DOCK11: variants seen among roughly 807,000 people sequenced by gnomAD.
DOCK11 encodes dedicator of cytokinesis protein 11.
In DOCK11, 70 loss-of-function variants were observed where a neutral mutation model predicts 169.1. The observed-to-expected ratio is 0.41, with a 90% CI of 0.34 to 0.51. The LOEUF (loss-of-function observed/expected upper bound fraction) is 0.51. Among genes scored for constraint, DOCK11 ranks in the 20% least tolerant of loss-of-function variants. DOCK11 has a pLI of 0.10. For synonymous variants in DOCK11, 529 were observed against 541.3 expected, an observed-to-expected ratio of 0.98 and a Z score of 0.32; for missense variants, 1,166 against 1,538.8, an observed-to-expected ratio of 0.76 and a Z score of 4.05.
At chrX:118,682,492 C>T (rs751524573) in intron 51 of DOCK11, among the ~76,000 whole-genome samples, 1 of 111,565 alleles carries the variant, frequency 9.0e-6, no homozygotes, top group East Asian at 2.8e-4. Context: ...ATGCCTGGTA[C>T]ATGCAAAAGA....
rs370099268 is a variant in DOCK11, at chrX:118,620,335, G to A, written c.3471+1607G>A. Among the ~76,000 whole-genome samples, 4 of 110,647 alleles carry A rather than the reference G, an allele frequency of 3.6e-5. No individual in the cohort carries two copies. The East Asian group carries it at 8.5e-4, about 24-fold the overall frequency. On this transcript the variant is annotated intron_variant, in intron 31 of 52. Transcript: ENST00000276202. ...TAAAATTATGATGTCATTTATCATC[G>A]GTCATTTTGGAAGGCTGACTTGGAG...
At chrX:118,514,064 G>A (rs747073990) in intron 1 of DOCK11, among the ~76,000 whole-genome samples, 2 of 111,390 alleles carry the variant, frequency 1.8e-5, no homozygotes, top group East Asian at 2.8e-4. Context: ...GATCATGGGG[G>A]CAGTTTTTCT....
intron 1 of DOCK11, among the ~76,000 whole-genome samples, chrX:118,523,761 A>T (rs1284774696): frequency 1.8e-5 from 2 of 111,903 alleles, no homozygotes; most frequent in African/African-American, 6.5e-5. Context: ...TAAATTGATC[A>T]TACTCAATAA....
chrX:118,529,731 G>A (rs2011464763), intron 1 of DOCK11, among the ~76,000 whole-genome samples: 2 of 111,753 alleles, frequency 1.8e-5, no homozygotes, highest in Admixed American at 1.9e-4. Flanking sequence ...CTGGGTTTCA[G>A]AAGGTGCACT....
chrX:118,556,048 C>CTTT lies in DOCK11; in HGVS notation c.559-5323_559-5321dup, dbSNP rs147701437. ...AAGGTTTTCCTACTTTCTTTTCTTT[C>CTTT]TTTTTTTTTTTTTTGACAGAGGATC... On this transcript the variant is annotated intron_variant, in intron 6 of 52. Transcript: ENST00000276202. Among the ~76,000 whole-genome samples, 93 of 98,782 alleles carry CTTT rather than the reference C, an allele frequency of 9.4e-4. 1 individual carries two copies. Among genetic ancestry groups the CTTT allele is most frequent in the African/African-American group, 3.2e-3 (88 of 27,472 alleles). The allele number at this position is 98,782 out of a possible 115,157, so 85.8% of individuals were successfully genotyped here.
At chrX:118,635,155 C>T (rs1005537757) in intron 35 of DOCK11, among the ~76,000 whole-genome samples, 3 of 112,113 alleles carry the variant, frequency 2.7e-5, no homozygotes, top group African/African-American at 9.7e-5. Context: ...GTAACTAAGT[C>T]GACCTCCCCT....
intron 1 of DOCK11, among the ~76,000 whole-genome samples, chrX:118,539,895 A>G (rs1281127923): frequency 1.8e-5 from 2 of 108,177 alleles, no homozygotes; most frequent in African/African-American, 3.4e-5. Flanking sequence ...TACTAAAAAT[A>G]CAAAGATTAG....
intron 1 of DOCK11, among the ~76,000 whole-genome samples, chrX:118,523,076 CG>C (rs1458478209): frequency 3.6e-5 from 4 of 112,476 alleles, no homozygotes; most frequent in Non-Finnish European, 7.5e-5. Flanking sequence ...TAATGCATTT[CG>C]CATAGTACCT....
intron 19 of DOCK11, among the ~76,000 whole-genome samples, chrX:118,592,798 A>AT (rs2014044218): frequency 8.9e-6 from 1 of 112,384 alleles, no homozygotes; most frequent in African/African-American, 3.2e-5. Context: ...TAATGGCTTA[A>AT]TTTTTTCATG....
chrX:118,620,905 C>T (rs1330918341), intron 31 of DOCK11, among the ~76,000 whole-genome samples: 1 of 112,696 alleles, frequency 8.9e-6, no homozygotes, highest in Non-Finnish European at 1.9e-5. Context: ...TATTTCTCCA[C>T]TGCCTTTTCA....
chrX:118,648,870 A>G (rs1603161111), intron 40 of DOCK11, 75 bp from the exon 41 acceptor site: 1 of 958,178 alleles, frequency 1.0e-6, no homozygotes. Flanking sequence ...AGGTGAGGAT[A>G]TAGAGGGCAC....
In DOCK11 at chrX:118,618,936, C is replaced by T. The variant is rs776656748; in HGVS notation, c.3471+208C>T. On this transcript the variant is annotated intron_variant, in intron 31 of 52. Transcript: ENST00000276202. The stretch of plus-strand genomic sequence containing the variant: ...GCAGTGGCATGATCTCGGCTCACTG[C>T]AACCTCTGCCTCCCAGGTTCAAGCG... Among the ~76,000 whole-genome samples, 4 of 110,051 alleles carry T rather than the reference C, an allele frequency of 3.6e-5. 1 individual carries two copies. The highest frequency in any genetic ancestry group is 1.3e-4 in the African/African-American group (4 of 30,309).
intron 45 of DOCK11, among the ~76,000 whole-genome samples, chrX:118,667,866 A>G (rs989077929): frequency 2.7e-5 from 3 of 111,194 alleles, no homozygotes; most frequent in African/African-American, 9.8e-5. Flanking sequence ...TTACTGGTAG[A>G]TATGTGATGT....
intron 44 of DOCK11, among the ~76,000 whole-genome samples, chrX:118,660,744 A>G (rs1229386423): frequency 9.1e-6 from 1 of 110,223 alleles, no homozygotes; most frequent in Non-Finnish European, 1.9e-5. Flanking sequence ...TGCTGGGATT[A>G]CAGGCGTGAG....
intron 12 of DOCK11, among the ~76,000 whole-genome samples, chrX:118,575,807 C>T (rs1471148587): frequency 8.9e-6 from 1 of 112,177 alleles, no homozygotes. Context: ...CATTTTAAGC[C>T]AATGTGTATT....
chrX:118,584,602 T>G (rs1603089985), intron 14 of DOCK11, 133 bp from the exon 15 acceptor site: 1 of 512,035 alleles, frequency 2.0e-6, no homozygotes, highest in Non-Finnish European at 3.0e-6. Context: ...GATGGGTGAT[T>G]AACTTAATGA....
intron 44 of DOCK11, among the ~76,000 whole-genome samples, chrX:118,660,455 A>AGCG (rs2147558239): frequency 9.1e-6 from 1 of 110,056 alleles, no homozygotes; most frequent in East Asian, 2.9e-4. Context: ...TTTTATCTTC[A>AGCG]GCGCCTTTTA....
chrX:118,572,614 A>C (rs752128031), intron 11 of DOCK11, 151 bp downstream of exon 11: 2 of 392,111 alleles, frequency 5.1e-6, no homozygotes, highest in African/African-American at 5.2e-5. Context: ...TGAAAGTTTT[A>C]TATATATAAA....
At chrX:118,651,578 T>G (rs1041764020) in intron 41 of DOCK11, among the ~76,000 whole-genome samples, 2 of 112,286 alleles carry the variant, frequency 1.8e-5, no homozygotes, top group African/African-American at 3.2e-5. Flanking sequence ...TGAAAAGGAA[T>G]GAGAAATCAT....
Sources: allele counts gnomAD v4.1 joint callset (sites outside exome capture counted in the v4.1 genomes callset), GRCh38; gene constraint gnomAD v4.1.1; transcripts MANE v1.5; gene names NCBI Gene and HGNC (gene_info 2026-07-23, HGNC 2026-07-21).